The following LUC7L2 variants were observed in gnomAD, a reference collection of about 807,000 sequenced individuals.
LUC7L2 encodes the protein putative RNA-binding protein Luc7-like 2.
LUC7L2 carries 25 observed loss-of-function variants against 52.8 expected under a neutral mutation model. The ratio of observed to expected loss-of-function variants is 0.47; its 90% CI spans 0.34 to 0.66. The LOEUF (loss-of-function observed/expected upper bound fraction) is 0.66, where lower values mean the gene tolerates loss of function less well. Among genes scored for constraint, LUC7L2 ranks in the 30% least tolerant of loss-of-function variants. LUC7L2 has a pLI of 0.01. For synonymous variants in LUC7L2, 144 were observed against 160.9 expected (o/e 0.89, Z 0.80); for missense variants, 328 against 497.8 (o/e 0.66, Z 3.25).
intron 2 of LUC7L2, among the ~76,000 whole-genome samples, chr7:139,391,770 A>G (rs1187381119): frequency 6.6e-6 from 1 of 152,080 alleles, no homozygotes; most frequent in Non-Finnish European, 1.5e-5. Flanking sequence ...TATTTTTGGT[A>G]GAGACGGGGT....
intron 1 of LUC7L2, among the ~76,000 whole-genome samples, chr7:139,347,567 A>T (rs2131150752): frequency 6.6e-6 from 1 of 152,150 alleles, no homozygotes; most frequent in South Asian, 2.1e-4. Flanking sequence ...AGCCTGGGCA[A>T]CAAGAGTGAA....
At chr7:139,353,755 T>C (rs1799526603) in intron 1 of LUC7L2, among the ~76,000 whole-genome samples, 1 of 151,714 alleles carries the variant, frequency 6.6e-6, no homozygotes, top group South Asian at 2.1e-4. Flanking sequence ...ATTGCGCCAC[T>C]GCACTCCAGC....
chr7:139,386,892 T>G (rs1361872151), intron 2 of LUC7L2, among the ~76,000 whole-genome samples: 2 of 152,122 alleles, frequency 1.3e-5, no homozygotes, highest in African/African-American at 2.4e-5. Flanking sequence ...CAGGCTGGAG[T>G]GCAATGGCTT....
intron 1 of LUC7L2, among the ~76,000 whole-genome samples, chr7:139,365,156 A>G (rs750534965): frequency 2.6e-5 from 4 of 152,186 alleles, no homozygotes; most frequent in Non-Finnish European, 5.9e-5. Flanking sequence ...GAAAAAAGAA[A>G]AGTTTTCCTC....
chr7:139,359,820 C>T (rs1799763775), upstream of LUC7L2: 2 of 403,136 alleles, frequency 5.0e-6, no homozygotes, highest in Non-Finnish European at 4.4e-6. Context: ...TCGGGCGGGG[C>T]GGGCGGAGTG....
intron 2 of LUC7L2, among the ~76,000 whole-genome samples, chr7:139,393,785 G>A (rs1307860480): frequency 6.6e-6 from 1 of 152,202 alleles, no homozygotes; most frequent in Non-Finnish European, 1.5e-5. Flanking sequence ...GCATAGCACA[G>A]TGCCAGAGTA....
rs144479935 is a variant in LUC7L2, at chr7:139,390,778, G to A, written c.157-7821G>A. Among the ~76,000 whole-genome samples the A allele has an allele frequency of 3.3e-5, 5 of 151,488 alleles. No individual in the cohort carries two copies. The South Asian group carries it at 6.3e-4, about 19-fold the overall frequency. On this transcript the variant is annotated intron_variant, in intron 2 of 9. Transcript: ENST00000354926. ...TCACCGTGTTAGCCAGGATGGTCTC[G>A]ATCTCCTGACCTCGTGATTCGCCCG...
chr7:139,354,933 T>G (rs1349608408), upstream of LUC7L2, among the ~76,000 whole-genome samples: 1 of 152,100 alleles, frequency 6.6e-6, no homozygotes, highest in Admixed American at 6.6e-5. Context: ...CATGGCTGAT[T>G]GCAGTCTTGA....
At chr7:139,370,548 C>G (rs1268834709) in intron 1 of LUC7L2, among the ~76,000 whole-genome samples, 3 of 152,128 alleles carry the variant, frequency 2.0e-5, no homozygotes, top group Admixed American at 2.0e-4. Flanking sequence ...ACCTCCAACT[C>G]CCAGGTTCAA....
Position 139,405,703 on chromosome 7 carries a change from A to G in LUC7L2, c.426A>G (p.Gln142=), listed in dbSNP as rs367897069. The part of the protein sequence containing the change: ...EIGKLLAKVE[Q]LGAEGNVEES... ...GTAAATTGTTAGCCAAGGTGGAACA[A>G]CTAGGAGCTGAAGGGAATGTGGAGG... Residue 142 remains glutamine (Q), a synonymous_variant, in exon 5 of 10, where the codon CAA becomes CAG. Coordinates refer to ENST00000354926, the MANE Select transcript of LUC7L2 (RefSeq NM_016019.5). 3.1e-5 allele frequency: 50 copies of G among 1,613,372 alleles called. No homozygotes were observed. The highest frequency in any genetic ancestry group is 2.5e-4 in the South Asian group (23 of 90,898).
At chr7:139,401,526 C>T (rs1794915891) in intron 3 of LUC7L2, among the ~76,000 whole-genome samples, 1 of 152,142 alleles carries the variant, frequency 6.6e-6, no homozygotes, top group Non-Finnish European at 1.5e-5. Flanking sequence ...GATCTTGGCT[C>T]ACTGCAACCT....
chr7:139,345,291 C>T (rs1799217491), intron 1 of LUC7L2, among the ~76,000 whole-genome samples: 1 of 152,138 alleles, frequency 6.6e-6, no homozygotes, highest in African/African-American at 2.4e-5. Flanking sequence ...TTCAATGCAA[C>T]TCCTTTTAAA....
intron 1 of LUC7L2, among the ~76,000 whole-genome samples, chr7:139,354,156 TC>T (rs1168948126): frequency 1.3e-5 from 2 of 152,086 alleles, no homozygotes; most frequent in Admixed American, 6.5e-5. Flanking sequence ...AGAACAAACT[TC>T]CAATTCTGTT....
intron 1 of LUC7L2, among the ~76,000 whole-genome samples, chr7:139,344,701 T>TC (rs1799181956): frequency 7.0e-6 from 1 of 143,446 alleles, no homozygotes; most frequent in African/African-American, 2.6e-5. Flanking sequence ...CTTTCTTTTT[T>TC]TTTTTTTTTT....
At chr7:139,375,066 C>T (rs2131212437) in intron 1 of LUC7L2, 1 of 983,300 alleles carries the variant, frequency 1.0e-6, no homozygotes, top group East Asian at 1.1e-4. Context: ...AATAAAACAC[C>T]TACATTTCTT....
intron 4 of LUC7L2, among the ~76,000 whole-genome samples, chr7:139,403,585 A>C (rs529763485): frequency 1.8e-3 from 272 of 152,218 alleles, no homozygotes; most frequent in Non-Finnish European, 3.3e-3. Context: ...CTAGTATCTC[A>C]TGGTTGGAAG....
intron 4 of LUC7L2, among the ~76,000 whole-genome samples, chr7:139,403,655 A>G (rs17613690): frequency 0.38 from 58,423 of 152,038 alleles, 15,664 homozygotes; most frequent in African/African-American, 0.77. Context: ...ATCCATCACT[A>G]CACAAATGCT....
At chr7:139,374,489 T>A in intron 1 of LUC7L2, 1 of 1,550,650 alleles carries the variant, frequency 6.4e-7, no homozygotes, top group Non-Finnish European at 8.7e-7. Context: ...ATCGCTAACT[T>A]TTCAGATGTG....
intron 2 of LUC7L2, among the ~76,000 whole-genome samples, chr7:139,383,381 G>A (rs1474741960): frequency 2.0e-5 from 3 of 151,642 alleles, no homozygotes; most frequent in African/African-American, 7.3e-5. Context: ...GCCTCCCAAA[G>A]TGGAGAGTAT....
Sources: gnomAD v4.1 joint callset for allele counts (sites outside exome capture counted in the v4.1 genomes callset) on GRCh38, gnomAD v4.1.1 for gene constraint, MANE v1.5 for transcripts, NCBI Gene and HGNC (gene_info 2026-07-23, HGNC 2026-07-21) for gene names.